ARID1B: variants seen among roughly 807,000 people sequenced by gnomAD.
The protein encoded by ARID1B is AT-rich interaction domain 1B.
A neutral mutation model predicts 212.3 loss-of-function variants in ARID1B; 30 were observed. That is an observed-to-expected ratio of 0.14 (90% CI 0.11 to 0.19). The LOEUF is 0.19. Among genes scored for constraint, ARID1B ranks in the 10% least tolerant of loss-of-function variants. ARID1B has a pLI of 1.00. For synonymous variants in ARID1B, 1,402 were observed against 1,301.7 expected (o/e 1.08, Z -1.66); for missense variants, 2,891 against 3,204.0 (o/e 0.90, Z 2.36).
At chr6:156,995,944 A>T (rs1467260824) in intron 4 of ARID1B, among the ~76,000 whole-genome samples, 2 of 152,214 alleles carry the variant, frequency 1.3e-5, no homozygotes, top group African/African-American at 4.8e-5. Context: ...CACTTGAGTG[A>T]TGAGAAGAGT....
At chr6:156,776,203 T>C (rs1778614924), upstream of ARID1B, among the ~76,000 whole-genome samples, 1 of 152,218 alleles carries the variant, frequency 6.6e-6, no homozygotes, top group Non-Finnish European at 1.5e-5. Context: ...AGTGGGTCAT[T>C]GCCTAAGGTT....
intron 7 of ARID1B, among the ~76,000 whole-genome samples, chr6:157,144,331 CAA>C (rs989531404): frequency 5.3e-5 from 8 of 152,124 alleles, no homozygotes; most frequent in Non-Finnish European, 1.2e-4. Context: ...TTTTCTAAAA[CAA>C]GACTAAAACG....
intron 1 of ARID1B, among the ~76,000 whole-genome samples, chr6:156,817,903 C>A (rs1782079634): frequency 6.6e-6 from 1 of 151,946 alleles, no homozygotes; most frequent in South Asian, 2.1e-4. Flanking sequence ...GGGTGTATTT[C>A]CTAGGAGCAA....
intron 3 of ARID1B, among the ~76,000 whole-genome samples, chr6:156,925,674 A>G (rs146126938): frequency 6.6e-6 from 1 of 152,328 alleles, no homozygotes. Context: ...CTCTGGGATT[A>G]GTTGCAGTTA....
intron 4 of ARID1B, among the ~76,000 whole-genome samples, chr6:156,945,218 A>G (rs1388024094): frequency 9.8e-6 from 1 of 102,170 alleles, no homozygotes; most frequent in Non-Finnish European, 1.8e-5. Flanking sequence ...GACCGGTGTG[A>G]GCCCCCGCAT....
Position 157,207,644 on chromosome 6 carries a change from C to T in ARID1B, c.6872C>T (p.Thr2291Met), listed in dbSNP as rs1381434956. The T allele has an allele frequency of 4.3e-6, 7 of 1,614,064 alleles. No individual in the cohort carries two copies. Among genetic ancestry groups the T allele is most frequent in the Middle Eastern group, 1.6e-4 (1 of 6,062 alleles). The change falls in exon 20 of 20, where the codon ACG becomes ATG. Residue 2291 changes from threonine to methionine, a missense_variant. Thr to Met is a moderately conservative substitution (Grantham distance 81). Coordinates refer to ENST00000636930, the MANE Select transcript of ARID1B (RefSeq NM_001374828.1). The surrounding 1 kb of genome is among the most constrained non-coding windows in gnomAD (Gnocchi z 8.5). ...ATAAGCTTCCTAGAGGATGGGGTCA[C>T]GATGGCCCAGTACCAGCAGAGCCAG... is the stretch of plus-strand genomic sequence containing the variant. Reference protein sequence around the residue: ...NLISFLEDGVTMAQYQQSQHN... With the variant: ...NLISFLEDGVMMAQYQQSQHN...
At chr6:157,025,868 C>T (rs1056091169) in intron 4 of ARID1B, among the ~76,000 whole-genome samples, 4 of 89,250 alleles carry the variant, frequency 4.5e-5, no homozygotes, top group African/African-American at 1.3e-4. Flanking sequence ...CTGCATTTAC[C>T]TTTGTAAGAA....
chr6:156,939,666 T>TG (rs1562498138), intron 4 of ARID1B: 1 of 152,190 alleles, frequency 6.6e-6, no homozygotes, highest in Non-Finnish European at 1.5e-5. Context: ...AGTGATTAAA[T>TG]GGGTGGATGT....
chr6:156,877,260 T>C (rs1029254523), intron 2 of ARID1B, among the ~76,000 whole-genome samples: 3 of 152,226 alleles, frequency 2.0e-5, no homozygotes, highest in African/African-American at 7.2e-5. Context: ...TCTGATGGCA[T>C]GACCCTTCTG....
rs1285756123 is a variant in ARID1B at position 156,921,486 on chromosome 6, CACACACAA to C, written c.2137-13978_2137-13971del. Among the ~76,000 whole-genome samples the C allele has an allele frequency of 8.6e-4, 97 of 113,328 alleles. 2 individuals are homozygous for C. Among genetic ancestry groups the C allele is most frequent in the Admixed American group, 7.8e-3 (86 of 11,010 alleles). 74.3% of individuals were successfully genotyped at this position (113,328 alleles called of 152,430 possible). A position where few individuals can be genotyped will look rare whatever the true frequency, so the allele number is the denominator to read the frequency against. On this transcript the variant is annotated intron_variant, in intron 3 of 19. Coordinates refer to ENST00000636930, the MANE Select transcript of ARID1B (RefSeq NM_001374828.1). ...ACACACACACACACACACACACACA[CACACACAA>C]AATGTAAGGGAATCTCTAAAAAATT...
chr6:156,846,400 C>A (rs1393102978), intron 2 of ARID1B, among the ~76,000 whole-genome samples: 1 of 151,508 alleles, frequency 6.6e-6, no homozygotes, highest in Non-Finnish European at 1.5e-5. Flanking sequence ...CTCCTGACCT[C>A]GTGAACCACC....
chr6:157,153,808 T>C (rs1216811977), intron 8 of ARID1B, among the ~76,000 whole-genome samples: 2 of 152,148 alleles, frequency 1.3e-5, no homozygotes, highest in Non-Finnish European at 2.9e-5. Flanking sequence ...GCTGATTTTA[T>C]CTTTACTTTT....
intron 2 of ARID1B, among the ~76,000 whole-genome samples, chr6:156,862,530 G>A (rs542295981): frequency 6.6e-6 from 1 of 152,328 alleles, no homozygotes; most frequent in Non-Finnish European, 1.5e-5. Context: ...TAAAATGGAT[G>A]GATGTGGGCC....
intron 8 of ARID1B, among the ~76,000 whole-genome samples, chr6:157,155,584 G>A (rs1583418217): frequency 6.6e-6 from 1 of 152,232 alleles, no homozygotes; most frequent in East Asian, 1.9e-4. Context: ...CTGTAGACCT[G>A]CATTTTAATA....
intron 5 of ARID1B, chr6:157,107,935 G>T (rs1786611541): frequency 6.6e-6 from 1 of 152,142 alleles, no homozygotes; most frequent in African/African-American, 2.4e-5. Flanking sequence ...CATGGGCCAA[G>T]GACACAAATG....
Position 157,206,193 on chromosome 6 carries a change from C to A in ARID1B, c.5421C>A (p.Val1807=), listed in dbSNP as rs753507388. 1.2e-6 allele frequency: 2 copies of A among 1,614,052 alleles called. No homozygotes were observed. The highest frequency in any genetic ancestry group is 1.7e-6 in the Non-Finnish European group (2 of 1,180,016). Residue 1807 remains valine, a synonymous_variant, in exon 20 of 20, where the codon GTC becomes GTA. Transcript: ENST00000636930. This position sits in a 1 kb window ranked among gnomAD's most constrained non-coding sequence, Gnocchi z 6.8. ...SQLSGFLELL[V]EYFRKCLIDI... Reference sequence around the variant, plus strand: ...TGTCTGGATTTCTCGAACTTTTAGTCGAGTACTTTAGAAAATGCCTGATTG... The same window carrying A: ...TGTCTGGATTTCTCGAACTTTTAGTAGAGTACTTTAGAAAATGCCTGATTG...
Position 157,196,067 on chromosome 6 carries a change from GA to G in ARID1B, c.4232-93del. On this transcript the variant is annotated intron_variant, in intron 15 of 19. Transcript: ENST00000636930. The stretch of plus-strand genomic sequence containing the variant: ...GAGTGAGACTCCATCTCAAAAAAAA[GA>G]AAAAGTCCAAAGACAATAGAGATGA... 3 of 1,493,270 alleles carry G rather than the reference GA, an allele frequency of 2.0e-6. No homozygotes were observed. The South Asian group carries it at 3.7e-5, about 19-fold the overall frequency. The allele number at this position is 1,493,270 out of a possible 1,614,324, so 92.5% of individuals were successfully genotyped here.
chr6:156,857,006 G>A (rs976757024), intron 2 of ARID1B, among the ~76,000 whole-genome samples: 4 of 152,132 alleles, frequency 2.6e-5, no homozygotes, highest in Non-Finnish European at 4.4e-5. Flanking sequence ...TATGGGAGCC[G>A]CATGGAGGAG....
At chr6:156,824,992 G>A (rs1344368721) in intron 1 of ARID1B, among the ~76,000 whole-genome samples, 1 of 151,928 alleles carries the variant, frequency 6.6e-6, no homozygotes, top group Non-Finnish European at 1.5e-5. Context: ...AGCCTTCTGA[G>A]TAGCTGGGAT....
Sources: gnomAD v4.1 joint callset for allele counts (sites outside exome capture counted in the v4.1 genomes callset) on GRCh38, gnomAD v4.1.1 for gene constraint, Gnocchi (gnomAD v3.1) non-coding constraint, MANE v1.5 for transcripts, NCBI Gene and HGNC (gene_info 2026-07-23, HGNC 2026-07-21) for gene names.